VPS13A: variants seen among roughly 807,000 people sequenced by gnomAD.
VPS13A encodes intermembrane lipid transfer protein VPS13A.
Under a neutral mutation model 390.9 loss-of-function variants are expected in VPS13A, and 264 were observed. The observed-to-expected ratio is 0.68, with a 90% confidence interval of 0.61 to 0.75. The LOEUF (loss-of-function observed/expected upper bound fraction) is 0.75. Ranked by LOEUF, VPS13A falls within the 30% of genes least tolerant of loss-of-function variation. The pLI, the probability that VPS13A is intolerant of heterozygous loss-of-function variation, is 0.00. For missense variants in VPS13A, 3,409 were observed against 3,733.9 expected (o/e 0.91, Z 2.27); for synonymous variants, 1,231 against 1,227.1 (o/e 1.00, Z -0.07).
intron 67 of VPS13A, among the ~76,000 whole-genome samples, chr9:77,381,397 A>G (rs1281490069): frequency 3.9e-5 from 6 of 152,224 alleles, no homozygotes; most frequent in Non-Finnish European, 8.8e-5. Flanking sequence ...TGAATATTAG[A>G]AAACTATATA....
At position 77,415,929 on chromosome 9, in the gene VPS13A, A is replaced by T. The variant is rs186578457; in HGVS notation, c.9475-27A>T. ...TCATTACAAGTTCACTGAAGTAAGC[A>T]AATGTTCATTTATTTTCCCACCGCA... is the stretch of plus-strand genomic sequence containing the variant. On this transcript the variant is annotated intron_variant, in intron 71 of 71. Coordinates refer to ENST00000360280, the MANE Select transcript of VPS13A (RefSeq NM_033305.3). 149 of 1,612,580 alleles carry T rather than the reference A, an allele frequency of 9.2e-5. No homozygotes were observed. The African/African-American group carries it at 1.8e-3, about 20-fold the overall frequency.
chr9:77,310,409 T>G (rs1829004129), intron 35 of VPS13A, among the ~76,000 whole-genome samples: 2 of 152,020 alleles, frequency 1.3e-5, no homozygotes, highest in African/African-American at 4.8e-5. Context: ...GGATACAGAG[T>G]TAGCTATATT....
rs753680192 is a variant in VPS13A at position 77,273,385 on chromosome 9, G to A, written c.2512+21G>A. 19 of 1,555,878 alleles carry A rather than the reference G, an allele frequency of 1.2e-5. No individual in the cohort carries two copies. The South Asian group carries it at 2.3e-4, about 18-fold the overall frequency. Reference sequence around the variant, plus strand: ...AGATGGTAAAATGAAACTGCTTAAGGATATTTTTCTTATTTTATTAAAATA... The same window carrying A: ...AGATGGTAAAATGAAACTGCTTAAGAATATTTTTCTTATTTTATTAAAATA... On this transcript the variant is annotated intron_variant, in intron 24 of 71. Transcript: ENST00000360280.
rs113804310 is a variant in VPS13A, at chr9:77,238,316, G to T, written c.1830G>T (p.Glu610Asp). ...TGGAATTCTTCAGACCTCCAAAAGA[G>T]GTACATCTAGCACAGCTCACTGCAG... is the stretch of plus-strand genomic sequence containing the variant. The part of the protein sequence containing the change: ...SIVEFFRPPK[E>D]VHLAQLTAAT... The change falls in exon 19 of 72, where the codon GAG (glutamate) becomes GAT (aspartate). Residue 610 changes from glutamate (E) to aspartate (D), a missense_variant. Glu to Asp is a conservative substitution (Grantham distance 45). This residue lies in a region of VPS13A where 2,717 missense variants were observed against 2,917.4 expected (regional missense o/e 0.93). Coordinates refer to ENST00000360280, the MANE Select transcript of VPS13A (RefSeq NM_033305.3). The T allele has an allele frequency of 5.0e-6, 8 of 1,613,928 alleles. No individual in the cohort carries two copies. The African/African-American group carries it at 1.1e-4, about 22-fold the overall frequency.
intron 1 of VPS13A, among the ~76,000 whole-genome samples, chr9:77,187,425 A>G (rs930463590): frequency 5.9e-5 from 9 of 152,166 alleles, no homozygotes; most frequent in South Asian, 2.1e-4. Flanking sequence ...AGTTATCCTA[A>G]TGGATATGAG....
chr9:77,259,008 A>G (rs1272447770), intron 22 of VPS13A, among the ~76,000 whole-genome samples: 5 of 152,170 alleles, frequency 3.3e-5, no homozygotes, highest in African/African-American at 1.2e-4. Flanking sequence ...TGTACAGCAT[A>G]GCAGGAATTA....
chr9:77,186,233 A>C (rs769859192), intron 1 of VPS13A, among the ~76,000 whole-genome samples: 2 of 152,188 alleles, frequency 1.3e-5, no homozygotes, highest in Non-Finnish European at 2.9e-5. Flanking sequence ...CCATTGTAAC[A>C]TTGTTGTCAT....
rs756768950 is a variant in VPS13A at position 77,323,159 on chromosome 9, A to C, written c.5923A>C (p.Arg1975=). The change falls in exon 45 of 72, where the codon AGA becomes CGA. Residue 1975 remains arginine (R), a synonymous_variant. Coordinates refer to ENST00000360280, the MANE Select transcript of VPS13A (RefSeq NM_033305.3). ...AAGACACAGAGAGTCTGGCGTTGAAAGATCTATTGTTTGTCAAATTGATAC... is the reference window on the plus strand; with the variant it reads ...AAGACACAGAGAGTCTGGCGTTGAACGATCTATTGTTTGTCAAATTGATAC... ...TVRHRESGVE[R]SIVCQIDTVE... 4 of 1,613,588 alleles carry C rather than the reference A, an allele frequency of 2.5e-6. No individual in the cohort carries two copies. The highest frequency in any genetic ancestry group is 3.4e-6 in the Non-Finnish European group (4 of 1,179,648).
intron 54 of VPS13A, 109 bp from the exon 55 acceptor site, chr9:77,356,605 G>T (rs925713249): frequency 1.6e-6 from 2 of 1,214,002 alleles, no homozygotes; most frequent in Non-Finnish European, 2.3e-6. Context: ...TTGTAATTGA[G>T]GCTGTTCTGA....
chr9:77,180,830 TAGTC>T (rs1224454755), intron 1 of VPS13A, among the ~76,000 whole-genome samples: 2 of 152,244 alleles, frequency 1.3e-5, no homozygotes, highest in African/African-American at 4.8e-5. Context: ...TCTTTGTAGT[TAGTC>T]TAGAAATCAG....
At chr9:77,406,513 G>A (rs1456799350) in intron 70 of VPS13A, among the ~76,000 whole-genome samples, 2 of 152,092 alleles carry the variant, frequency 1.3e-5, no homozygotes, top group Admixed American at 1.3e-4. Context: ...CACCTCCCAG[G>A]TTCAAGTGAT....
At chr9:77,261,480 T>C (rs1037745261) in intron 23 of VPS13A, among the ~76,000 whole-genome samples, 11 of 151,900 alleles carry the variant, frequency 7.2e-5, no homozygotes, top group African/African-American at 2.7e-4. Flanking sequence ...TGTGTGTATA[T>C]ATATATTTGC....
chr9:77,205,875 C>T (rs1043229167), intron 4 of VPS13A, 103 bp from the exon 5 acceptor site: 1 of 865,256 alleles, frequency 1.2e-6, no homozygotes, highest in Non-Finnish European at 1.8e-6. Context: ...CAGGCATGAG[C>T]CACCGCGCCC....
At chr9:77,396,795 C>T (rs1399953581) in intron 68 of VPS13A, among the ~76,000 whole-genome samples, 4 of 152,056 alleles carry the variant, frequency 2.6e-5, no homozygotes, top group Non-Finnish European at 5.9e-5. Context: ...CAGTATTTAC[C>T]ATTTTACAAT....
At chr9:77,363,968 G>A (rs1832294753) in intron 59 of VPS13A, among the ~76,000 whole-genome samples, 1 of 152,166 alleles carries the variant, frequency 6.6e-6, no homozygotes, top group African/African-American at 2.4e-5. Context: ...AGCACTATGT[G>A]TGGTGGGGTA....
At chr9:77,268,114 C>T (rs1002715875) in intron 23 of VPS13A, among the ~76,000 whole-genome samples, 14 of 152,208 alleles carry the variant, frequency 9.2e-5, no homozygotes, top group African/African-American at 2.7e-4. Context: ...GAGTGGGATC[C>T]GCTGAGCAAG....
At chr9:77,210,164 TCTC>T (rs1825889729) in intron 6 of VPS13A, among the ~76,000 whole-genome samples, 1 of 79,874 alleles carries the variant, frequency 1.3e-5, no homozygotes, top group African/African-American at 5.1e-5. Flanking sequence ...CACCTCCCTC[TCTC>T]TCTCTCTCTC....
At chr9:77,361,199 G>A (rs1832120059) in intron 59 of VPS13A, among the ~76,000 whole-genome samples, 1 of 152,060 alleles carries the variant, frequency 6.6e-6, no homozygotes, top group African/African-American at 2.4e-5. Context: ...TATTCACAAA[G>A]TTGTACAATC....
intron 68 of VPS13A, among the ~76,000 whole-genome samples, chr9:77,383,740 A>G (rs372705678): frequency 2.6e-5 from 4 of 151,982 alleles, no homozygotes; most frequent in East Asian, 3.8e-4. Context: ...TTAAAGATAC[A>G]TATTTATTTT....
Sources: gnomAD v4.1 joint callset for allele counts (sites outside exome capture counted in the v4.1 genomes callset) on GRCh38, gnomAD v4.1.1 for gene constraint, gnomAD v4.1.1 regional missense constraint, MANE v1.5 for transcripts, NCBI Gene and HGNC (gene_info 2026-07-23, HGNC 2026-07-21) for gene names.